The following FBXL13 variants were observed in gnomAD, a reference collection of about 807,000 sequenced individuals.
The protein encoded by FBXL13 is F-box and leucine-rich repeat protein 13.
In FBXL13, 67 loss-of-function variants were observed where a neutral mutation model predicts 83.6. The ratio of observed to expected loss-of-function variants is 0.80; its 90% confidence interval spans 0.66 to 0.98. FBXL13 has a LOEUF of 0.98. Among genes scored for constraint, FBXL13 ranks in the 50% least tolerant of loss-of-function variants. The pLI is 0.00. For synonymous variants in FBXL13, 272 were observed against 299.5 expected (o/e 0.91, Z 0.95); for missense variants, 822 against 866.5 (o/e 0.95, Z 0.64).
intron 1 of FBXL13, among the ~76,000 whole-genome samples, chr7:103,056,156 C>T (rs752398692): frequency 2.6e-5 from 4 of 152,138 alleles, no homozygotes; most frequent in Non-Finnish European, 5.9e-5. Context: ...CCAGTTCCAT[C>T]CAGGTTGCTG....
intron 6 of FBXL13, among the ~76,000 whole-genome samples, chr7:102,970,467 A>T (rs1826513235): frequency 6.6e-6 from 1 of 152,174 alleles, no homozygotes; most frequent in Non-Finnish European, 1.5e-5. Flanking sequence ...TTGTAAATGG[A>T]TTTGATATAT....
intron 6 of FBXL13, among the ~76,000 whole-genome samples, chr7:102,997,228 T>TTA (rs937412690): frequency 6.6e-6 from 1 of 152,204 alleles, no homozygotes; most frequent in African/African-American, 2.4e-5. Context: ...CATGCTTTTA[T>TTA]TATAGATCTG....
chr7:102,813,496 T>C (rs1205659680), exon 20 of FBXL13: 5 of 1,614,060 alleles, frequency 3.1e-6, no homozygotes, highest in Non-Finnish European at 4.2e-6. Context: ...GTATTCCTGC[T>C]GCTGAACTTT....
chr7:102,985,943 T>C (rs1828890490), intron 6 of FBXL13, among the ~76,000 whole-genome samples: 1 of 152,080 alleles, frequency 6.6e-6, no homozygotes, highest in Admixed American at 6.5e-5. Context: ...ATGTTGAGCA[T>C]GTGTGAACAG....
intron 11 of FBXL13, among the ~76,000 whole-genome samples, chr7:102,909,359 C>T (rs928206536): frequency 2.0e-5 from 3 of 152,036 alleles, no homozygotes; most frequent in Admixed American, 6.5e-5. Flanking sequence ...CCTGGAATCG[C>T]GGACCCCAAG....
At chr7:102,868,501 T>G (rs1471792462) in intron 16 of FBXL13, among the ~76,000 whole-genome samples, 3 of 152,250 alleles carry the variant, frequency 2.0e-5, no homozygotes, top group Non-Finnish European at 4.4e-5. Flanking sequence ...CACTCTTTTT[T>G]GGGCTGAATA....
At chr7:102,839,930 G>A (rs1471812787) in intron 17 of FBXL13, among the ~76,000 whole-genome samples, 2 of 152,056 alleles carry the variant, frequency 1.3e-5, no homozygotes, top group African/African-American at 4.8e-5. Context: ...CAAAAAAATT[G>A]TGTTGTTCAT....
chr7:102,846,544 G>GGAA (rs143808143), intron 17 of FBXL13, among the ~76,000 whole-genome samples: 66,269 of 150,622 alleles, frequency 0.44, 17,620 homozygotes, highest in African/African-American at 0.76. Flanking sequence ...GTCTGAGCCC[G>GGAA]GAAGGAGGTT....
intron 8 of FBXL13, among the ~76,000 whole-genome samples, chr7:102,963,243 C>A (rs1216420304): frequency 6.6e-6 from 1 of 151,418 alleles, no homozygotes; most frequent in Non-Finnish European, 1.5e-5. Flanking sequence ...ATCATTTGAA[C>A]CCAGGAGCCG....
At chr7:102,975,238 C>G (rs1024094588) in intron 6 of FBXL13, among the ~76,000 whole-genome samples, 3 of 152,224 alleles carry the variant, frequency 2.0e-5, no homozygotes, top group African/African-American at 7.2e-5. Flanking sequence ...TGATCTCTCT[C>G]AAATTAACAA....
intron 17 of FBXL13, among the ~76,000 whole-genome samples, chr7:102,844,366 T>A (rs1404515889): frequency 6.6e-6 from 1 of 152,134 alleles, no homozygotes; most frequent in Non-Finnish European, 1.5e-5. Flanking sequence ...GACCCATACA[T>A]TCATCATTAC....
chr7:102,842,929 T>C (rs1803218873), intron 17 of FBXL13, among the ~76,000 whole-genome samples: 1 of 152,232 alleles, frequency 6.6e-6, no homozygotes, highest in Admixed American at 6.5e-5. Context: ...CAATGACTGT[T>C]GCTCTGTTGT....
chr7:102,915,129 T>A (rs1164992485), intron 10 of FBXL13, among the ~76,000 whole-genome samples: 2 of 151,402 alleles, frequency 1.3e-5, no homozygotes, highest in African/African-American at 4.8e-5. Flanking sequence ...AATATTTTTT[T>A]TTTTTTTTTT....
At chr7:102,931,808 T>C (rs1819227520) in intron 9 of FBXL13, 73 bp downstream of exon 10, 1 of 1,384,154 alleles carries the variant, frequency 7.2e-7, no homozygotes, top group Non-Finnish European at 1.0e-6. Context: ...CAAGCATCTA[T>C]TCTGCATATT....
At chr7:103,054,380 A>G (rs1165528521) in intron 2 of FBXL13, among the ~76,000 whole-genome samples, 1 of 143,830 alleles carries the variant, frequency 7.0e-6, no homozygotes, top group Non-Finnish European at 1.5e-5. Flanking sequence ...GCAGAGCAAG[A>G]CTCCGTCTGG....
chr7:103,052,055 C>G (rs141100726), intron 2 of FBXL13, among the ~76,000 whole-genome samples: 2 of 152,214 alleles, frequency 1.3e-5, no homozygotes, highest in Admixed American at 1.3e-4. Flanking sequence ...GCAGTCCTCA[C>G]TGTGCAGAAC....
At chr7:102,910,549 T>G (rs989146571) in intron 11 of FBXL13, among the ~76,000 whole-genome samples, 2 of 151,996 alleles carry the variant, frequency 1.3e-5, no homozygotes, top group Admixed American at 6.6e-5. Flanking sequence ...AAATAGCCTA[T>G]GCCCTGCTGG....
intron 6 of FBXL13, among the ~76,000 whole-genome samples, chr7:102,995,632 C>T (rs1426744778): frequency 6.7e-6 from 1 of 150,214 alleles, no homozygotes; most frequent in Non-Finnish European, 1.5e-5. Flanking sequence ...ACTAAGAATA[C>T]AAAAATTAGC....
intron 18 of FBXL13, among the ~76,000 whole-genome samples, chr7:102,831,561 G>A (rs1013859230): frequency 2.0e-5 from 3 of 152,102 alleles, no homozygotes; most frequent in Non-Finnish European, 2.9e-5. Context: ...TATGGAGTAG[G>A]GGCTGGAATC....
Sources: allele counts gnomAD v4.1 joint callset (sites outside exome capture counted in the v4.1 genomes callset), GRCh38; gene constraint gnomAD v4.1.1; transcripts MANE v1.5; gene names NCBI Gene and HGNC (gene_info 2026-07-23, HGNC 2026-07-21).